Variants in EEPD1 observed in about 807,000 individuals in gnomAD.
The protein encoded by EEPD1 is endonuclease/exonuclease/phosphatase family domain-containing protein 1.
EEPD1 carries 17 observed loss-of-function variants against 46.3 expected under a neutral mutation model. The observed-to-expected ratio is 0.37, with a 90% confidence interval of 0.25 to 0.55. The LOEUF (loss-of-function observed/expected upper bound fraction) is 0.55, where lower values mean the gene tolerates loss of function less well. Among genes scored for constraint, EEPD1 ranks in the 20% least tolerant of loss-of-function variants. EEPD1 has a pLI of 0.83. For synonymous variants in EEPD1, 313 were observed against 315.6 expected (o/e 0.99, Z 0.09); for missense variants, 673 against 745.6 (o/e 0.90, Z 1.13).
rs933215933 is a variant in EEPD1 at position 36,300,670 on chromosome 7, C to T, written c.*1464C>T. On this transcript the variant is annotated 3_prime_UTR_variant, in exon 8 of 8. Transcript: ENST00000242108. ...AGTGTAAACCCAGTGGCTTCTCTGA[C>T]CTGGAGCTGATGGGCCGTGAAGGGG... 7 of 152,314 alleles carry T rather than the reference C, an allele frequency of 4.6e-5. No homozygotes were observed. The South Asian group carries it at 1.5e-3, about 32-fold the overall frequency. 9.4% of individuals were successfully genotyped at this position (152,314 alleles called of 1,614,324 possible).
rs71553053 is a variant in EEPD1, at chr7:36,252,829, C to CTT, written c.930+13822_930+13823dup. Among the ~76,000 whole-genome samples the CTT allele has an allele frequency of 5.2e-3, 284 of 54,886 alleles. 27 individuals are homozygous for CTT. Among genetic ancestry groups the CTT allele is most frequent in the East Asian group, 0.015 (20 of 1,346 alleles). The allele number at this position is 54,886 out of a possible 152,430, so 36.0% of individuals were successfully genotyped here. On this transcript the variant is annotated intron_variant, in intron 3 of 7. Transcript: ENST00000242108. ...GGTGTGATAGCATGAGTGTTCTCTC[C>CTT]TTTTTTTTTTTTTTTTTTTTTTTTT...
At chr7:36,169,061 A>G (rs1053866144) in intron 2 of EEPD1, among the ~76,000 whole-genome samples, 2 of 152,140 alleles carry the variant, frequency 1.3e-5, no homozygotes, top group Non-Finnish European at 2.9e-5. Flanking sequence ...TTTCTTCTTA[A>G]TAGTTGAATA....
At chr7:36,206,523 A>G (rs1483125618) in intron 2 of EEPD1, among the ~76,000 whole-genome samples, 1 of 152,164 alleles carries the variant, frequency 6.6e-6, no homozygotes, top group Admixed American at 6.5e-5. Flanking sequence ...ATTGGACACC[A>G]GCACTAGAAG....
intron 3 of EEPD1, among the ~76,000 whole-genome samples, chr7:36,249,301 C>A (rs895684610): frequency 1.3e-5 from 2 of 152,282 alleles, no homozygotes; most frequent in Non-Finnish European, 2.9e-5. Context: ...GTGCCCCCGG[C>A]CACTGCTGGG....
At chr7:36,211,665 C>T (rs1400191468) in intron 2 of EEPD1, among the ~76,000 whole-genome samples, 1 of 152,134 alleles carries the variant, frequency 6.6e-6, no homozygotes, top group Non-Finnish European at 1.5e-5. Context: ...TGGCTCACAC[C>T]CGTAATCCCA....
intron 2 of EEPD1, among the ~76,000 whole-genome samples, chr7:36,232,690 C>CT (rs1786355902): frequency 6.7e-6 from 1 of 149,994 alleles, no homozygotes; most frequent in African/African-American, 2.5e-5. Flanking sequence ...GAAGCTGAAT[C>CT]TAAGTTCAGT....
chr7:36,172,315 G>C (rs370180919), intron 2 of EEPD1, among the ~76,000 whole-genome samples: 5 of 152,184 alleles, frequency 3.3e-5, no homozygotes, highest in East Asian at 3.9e-4. Context: ...ACCCTCCCCT[G>C]AGAGGGGCCT....
intron 3 of EEPD1, among the ~76,000 whole-genome samples, chr7:36,262,597 G>A (rs1388805310): frequency 6.6e-6 from 1 of 152,156 alleles, no homozygotes; most frequent in East Asian, 1.9e-4. Context: ...CTCTTGGAGT[G>A]GACTGTCCTC....
At chr7:36,292,329 G>A (rs893671755) in intron 6 of EEPD1, among the ~76,000 whole-genome samples, 2 of 152,116 alleles carry the variant, frequency 1.3e-5, no homozygotes, top group East Asian at 1.9e-4. Context: ...AACCGGGGCC[G>A]AGAACCACTG....
chr7:36,154,816 C>T lies in EEPD1; in HGVS notation c.492C>T (p.Phe164=), dbSNP rs762831520. The T allele has an allele frequency of 3.1e-6, 5 of 1,614,108 alleles. No homozygotes were observed. The Admixed American group carries it at 6.7e-5, about 22-fold the overall frequency. Residue 164 remains phenylalanine (F), a synonymous_variant, in exon 2 of 8, where the codon TTC becomes TTT. Transcript: ENST00000242108. This position sits in a 1 kb window ranked among gnomAD's most constrained non-coding sequence, Gnocchi z 4.2. Reference sequence around the variant, plus strand: ...AAATGGCCCTCAGCATCGTGGACTTCCGCCGTGAGCATGGGCCCTTTCGCA... The same window carrying T: ...AAATGGCCCTCAGCATCGTGGACTTTCGCCGTGAGCATGGGCCCTTTCGCA... ...SEKMALSIVD[F]RREHGPFRSV...
chr7:36,292,505 C>G (rs1271059202), intron 6 of EEPD1, among the ~76,000 whole-genome samples: 1 of 148,338 alleles, frequency 6.7e-6, no homozygotes, highest in Non-Finnish European at 1.5e-5. Context: ...TTCTCTTTCT[C>G]TTTCTCTTCT....
At chr7:36,237,849 G>A (rs533117689) in intron 2 of EEPD1, among the ~76,000 whole-genome samples, 1 of 152,288 alleles carries the variant, frequency 6.6e-6, no homozygotes, top group Admixed American at 6.5e-5. Context: ...TACTCGGGAG[G>A]CTGAGGCAGG....
chr7:36,196,053 G>T (rs1785576567), intron 2 of EEPD1, among the ~76,000 whole-genome samples: 1 of 152,136 alleles, frequency 6.6e-6, no homozygotes, highest in Non-Finnish European at 1.5e-5. Flanking sequence ...TTACTGTACT[G>T]AATATTATAA....
At chr7:36,237,606 C>T (rs1392364629) in intron 2 of EEPD1, among the ~76,000 whole-genome samples, 2 of 152,074 alleles carry the variant, frequency 1.3e-5, no homozygotes, top group African/African-American at 4.8e-5. Flanking sequence ...GAATTTGGGG[C>T]AAGTCTATAA....
chr7:36,298,350 G>A (rs777328612), intron 7 of EEPD1, among the ~76,000 whole-genome samples: 1 of 152,274 alleles, frequency 6.6e-6, no homozygotes, highest in Non-Finnish European at 1.5e-5. Flanking sequence ...AGTTGCCCCC[G>A]CTACAGAATG....
chr7:36,253,085 T>C (rs772446469), intron 3 of EEPD1, among the ~76,000 whole-genome samples: 14 of 151,588 alleles, frequency 9.2e-5, no homozygotes, highest in Non-Finnish European at 1.5e-4. Flanking sequence ...TTTACATCAG[T>C]AAAGAAGATC....
At chr7:36,295,968 T>C (rs1374726495) in intron 6 of EEPD1, among the ~76,000 whole-genome samples, 1 of 138,892 alleles carries the variant, frequency 7.2e-6, no homozygotes, top group Non-Finnish European at 1.5e-5. Flanking sequence ...GAGGCAGAGG[T>C]TGTAGTGAGC....
At chr7:36,283,639 C>T (rs1396359242) in intron 4 of EEPD1, among the ~76,000 whole-genome samples, 1 of 152,200 alleles carries the variant, frequency 6.6e-6, no homozygotes, top group Non-Finnish European at 1.5e-5. Context: ...CAAACCAGCA[C>T]ACTCTCCAGG....
intron 2 of EEPD1, among the ~76,000 whole-genome samples, chr7:36,185,476 G>C (rs753918869): frequency 1.3e-5 from 2 of 152,318 alleles, no homozygotes; most frequent in African/African-American, 2.4e-5. Context: ...GTATCTGTCT[G>C]TTGGTGTATG....
Sources: gnomAD v4.1 joint callset for allele counts (sites outside exome capture counted in the v4.1 genomes callset) on GRCh38, gnomAD v4.1.1 for gene constraint, Gnocchi (gnomAD v3.1) non-coding constraint, MANE v1.5 for transcripts, NCBI Gene and HGNC (gene_info 2026-07-23, HGNC 2026-07-21) for gene names.